SLC5A12: variants seen among roughly 807,000 people sequenced by gnomAD.
SLC5A12 encodes the protein solute carrier family 5 member 12, also known as sodium-coupled monocarboxylate transporter 2.
In SLC5A12, 46 loss-of-function variants were observed where a neutral mutation model predicts 72.7. The ratio of observed to expected loss-of-function variants is 0.63; its 90% CI spans 0.50 to 0.81. The LOEUF is 0.81. SLC5A12 is among the 30% of genes least tolerant of loss of function. The pLI, the probability that SLC5A12 is intolerant of heterozygous loss-of-function variation, is 0.00. For synonymous variants in SLC5A12, 275 were observed against 264.4 expected (o/e 1.04, Z -0.39); for missense variants, 683 against 740.7 (o/e 0.92, Z 0.90).
At chr11:26,708,084 C>CACA (rs1402122411) in intron 4 of SLC5A12, among the ~76,000 whole-genome samples, 1 of 152,014 alleles carries the variant, frequency 6.6e-6, no homozygotes, top group Non-Finnish European at 1.5e-5. Context: ...CCTTCCTACT[C>CACA]ACAACACTCC....
At chr11:26,685,407 G>A (rs1281467395) in intron 10 of SLC5A12, among the ~76,000 whole-genome samples, 1 of 152,076 alleles carries the variant, frequency 6.6e-6, no homozygotes, top group African/African-American at 2.4e-5. Flanking sequence ...ATCTCTTGAG[G>A]TCAGAAGTTC....
intron 1 of SLC5A12, chr11:26,716,321 T>A (rs910813863): frequency 6.6e-6 from 1 of 152,350 alleles, no homozygotes; most frequent in Middle Eastern, 3.4e-3. Flanking sequence ...TTTGCTGGCA[T>A]CTCACTCTGT....
At chr11:26,705,364 A>G (rs1424702357) in intron 4 of SLC5A12, among the ~76,000 whole-genome samples, 1 of 152,076 alleles carries the variant, frequency 6.6e-6, no homozygotes, top group Non-Finnish European at 1.5e-5. Flanking sequence ...AGTGCTTGGG[A>G]AATGAATGAG....
At chr11:26,677,405 C>T (rs1042650207) in intron 13 of SLC5A12, among the ~76,000 whole-genome samples, 2 of 152,154 alleles carry the variant, frequency 1.3e-5, no homozygotes, top group Non-Finnish European at 2.9e-5. Flanking sequence ...TGGCAAACTA[C>T]TGGATTTCAT....
chr11:26,704,073 T>G (rs938957625), intron 4 of SLC5A12, 126 bp from the exon 5 acceptor site: 3 of 977,712 alleles, frequency 3.1e-6, no homozygotes, highest in Admixed American at 2.1e-5. Flanking sequence ...TGAGGATCTT[T>G]TATGTGCCAA....
At chr11:26,690,646 T>TAAAAAAAAA (rs747754564) in intron 9 of SLC5A12, among the ~76,000 whole-genome samples, 2 of 92,726 alleles carry the variant, frequency 2.2e-5, no homozygotes, top group African/African-American at 4.1e-5. Context: ...CCACCTCTAC[T>TAAAAAAAAA]AAAAAAAAAA....
intron 10 of SLC5A12, among the ~76,000 whole-genome samples, chr11:26,684,772 A>G (rs539189992): frequency 6.6e-6 from 1 of 152,290 alleles, no homozygotes; most frequent in African/African-American, 2.4e-5. Context: ...CACAATGGAA[A>G]TATCTCTGGA....
intron 1 of SLC5A12, among the ~76,000 whole-genome samples, chr11:26,721,047 A>G (rs1261047240): frequency 1.3e-5 from 2 of 152,214 alleles, no homozygotes; most frequent in African/African-American, 4.8e-5. Flanking sequence ...TTTGCTTTTC[A>G]GAATGATGAC....
intron 9 of SLC5A12, among the ~76,000 whole-genome samples, chr11:26,690,815 T>C (rs954880006): frequency 6.6e-6 from 1 of 151,240 alleles, no homozygotes; most frequent in African/African-American, 2.4e-5. Flanking sequence ...AAATTTAGTT[T>C]ATTATCTTAA....
intron 8 of SLC5A12, among the ~76,000 whole-genome samples, chr11:26,695,496 C>A (rs1010779206): frequency 6.6e-6 from 1 of 152,014 alleles, no homozygotes; most frequent in Admixed American, 6.6e-5. Context: ...TTTATAATCA[C>A]AGAATGGAGA....
In SLC5A12 at chr11:26,686,395, C is replaced by A. The variant is rs143140199; in HGVS notation, c.1221+82G>T. 1.2e-4 allele frequency: 153 copies of A among 1,265,568 alleles called. No homozygotes were observed. The African/African-American group carries it at 2.0e-3, about 17-fold the overall frequency. 78.4% of individuals were successfully genotyped at this position (1,265,568 alleles called of 1,614,324 possible). Reference sequence around the variant, plus strand: ...TATCATTAAATGTCAGCCTTTGGATCTTGGAGGAAGAAGCAAGACATTAAA... The same window carrying A: ...TATCATTAAATGTCAGCCTTTGGATATTGGAGGAAGAAGCAAGACATTAAA... On this transcript the variant is annotated intron_variant, in intron 10 of 14. Transcript: ENST00000396005.
At chr11:26,672,061 A>C (rs1854156152) in intron 14 of SLC5A12, among the ~76,000 whole-genome samples, 1 of 152,128 alleles carries the variant, frequency 6.6e-6, no homozygotes, top group African/African-American at 2.4e-5. Context: ...AAATTCTCAC[A>C]ACACAGTTTT....
chr11:26,705,726 A>G (rs1031070199), intron 4 of SLC5A12, among the ~76,000 whole-genome samples: 1 of 152,122 alleles, frequency 6.6e-6, no homozygotes, highest in African/African-American at 2.4e-5. Context: ...GTAAGATTTT[A>G]GTGCTATGAA....
chr11:26,684,866 T>C (rs1854493050), intron 10 of SLC5A12, among the ~76,000 whole-genome samples: 1 of 152,094 alleles, frequency 6.6e-6, no homozygotes, highest in Non-Finnish European at 1.5e-5. Context: ...GCACAAGACA[T>C]CAGAAGCAAC....
intron 1 of SLC5A12, among the ~76,000 whole-genome samples, chr11:26,719,465 C>T (rs966339459): frequency 6.6e-6 from 1 of 152,112 alleles, no homozygotes; most frequent in African/African-American, 2.4e-5. Context: ...ATCCCAAGTG[C>T]TCCCTCTGTG....
Position 26,668,891 on chromosome 11 carries a change from A to T in SLC5A12, c.*2211T>A, listed in dbSNP as rs1261548124. The T allele has an allele frequency of 6.6e-6, 1 of 152,066 alleles. No individual in the cohort carries two copies. Among genetic ancestry groups the T allele is most frequent in the Non-Finnish European group, 1.5e-5 (1 of 67,996 alleles). 9.4% of individuals were successfully genotyped at this position (152,066 alleles called of 1,614,324 possible). On this transcript the variant is annotated 3_prime_UTR_variant, in exon 15 of 15. Coordinates refer to ENST00000396005, the MANE Select transcript of SLC5A12 (RefSeq NM_178498.4). Reference sequence around the variant, plus strand: ...GGACTATAAAAGAAGAAACGTTTTTAAAACTTTCTCGGAAATGTACTGACC... The same window carrying T: ...GGACTATAAAAGAAGAAACGTTTTTTAAACTTTCTCGGAAATGTACTGACC...
intron 12 of SLC5A12, among the ~76,000 whole-genome samples, chr11:26,679,432 C>A (rs902902240): frequency 6.6e-6 from 1 of 151,914 alleles, no homozygotes; most frequent in Admixed American, 6.6e-5. Flanking sequence ...TTATGGGGAA[C>A]CATGAATAGG....
intron 13 of SLC5A12, among the ~76,000 whole-genome samples, chr11:26,674,753 C>T (rs886168779): frequency 6.6e-6 from 1 of 152,128 alleles, no homozygotes; most frequent in African/African-American, 2.4e-5. Context: ...AATCTATTCC[C>T]TGGCATTTAC....
Position 26,711,345 on chromosome 11 carries a change from C to G in SLC5A12, c.419G>C (p.Gly140Ala). 6.2e-7 allele frequency: 1 copy of G among 1,611,634 alleles called. No homozygotes were observed. Among genetic ancestry groups the G allele is most frequent in the Non-Finnish European group, 8.5e-7 (1 of 1,178,498 alleles). ...CAGGGCAGGAGCATACACCACCACT[C>G]CTGTGTAGAGAATCTGGTAGAGAAA... ...IYIVQTILYT[G>A]VVVYAPALAL... The change falls in exon 3 of 15, where the codon GGA (glycine) becomes GCA (alanine). Residue 140 changes from glycine (G) to alanine (A), a missense_variant. Physicochemically the swap from Gly to Ala is moderately conservative, Grantham distance 60. Coordinates refer to ENST00000396005, the MANE Select transcript of SLC5A12 (RefSeq NM_178498.4).
Sources: gnomAD v4.1 joint callset for allele counts (sites outside exome capture counted in the v4.1 genomes callset) on GRCh38, gnomAD v4.1.1 for gene constraint, MANE v1.5 for transcripts, NCBI Gene and HGNC (gene_info 2026-07-23, HGNC 2026-07-21) for gene names.